The following CEP85 variants were observed in gnomAD, a reference collection of about 807,000 sequenced individuals.
CEP85 encodes the protein centrosomal protein 85, also known as centrosomal protein of 85 kDa.
In CEP85, 58 loss-of-function variants were observed where a neutral mutation model predicts 93.7. That is an observed-to-expected ratio of 0.62 (90% CI 0.50 to 0.77). The LOEUF is 0.77. CEP85 is among the 30% of genes least tolerant of loss of function. CEP85 has a pLI of 0.00. For synonymous variants in CEP85, 314 were observed against 338.6 expected (o/e 0.93, Z 0.80); for missense variants, 868 against 922.0 (o/e 0.94, Z 0.76).
rs1282249941 is a variant in CEP85 at position 26,269,609 on chromosome 1, A to G, written c.1644A>G (p.Gly548=). The part of the protein sequence containing the change: ...RQREAEFSSA[G]HSLQDKQSVE... ...GAGAAGCAGAATTCTCCTCCGCTGG[A>G]CATAGGTAAATAACCCTGTGGGACT... Residue 548 remains glycine (G), a synonymous_variant, in exon 9 of 14, where the codon GGA becomes GGG. Transcript: ENST00000451429. 1.2e-6 allele frequency: 2 copies of G among 1,612,944 alleles called. No homozygotes were observed. Among genetic ancestry groups the G allele is most frequent in the Admixed American group, 3.3e-5 (2 of 59,832 alleles).
intron 10 of CEP85, 115 bp from the exon 11 acceptor site, chr1:26,271,906 G>A (rs770141901): frequency 1.2e-6 from 1 of 825,514 alleles, no homozygotes; most frequent in Non-Finnish European, 2.1e-6. Context: ...CTTTATCCTG[G>A]TCTTACTCTT....
intron 7 of CEP85, among the ~76,000 whole-genome samples, chr1:26,265,725 A>T (rs2089883833): frequency 6.6e-6 from 1 of 152,208 alleles, no homozygotes; most frequent in Non-Finnish European, 1.5e-5. Flanking sequence ...ACTGCAGATT[A>T]TAACTTTTCT....
At chr1:26,244,433 C>T in intron 3 of CEP85, 115 bp downstream of exon 3, 1 of 910,084 alleles carries the variant, frequency 1.1e-6, no homozygotes, top group Non-Finnish European at 1.7e-6. Context: ...AACGTCATTC[C>T]ATTTCATTCA....
In CEP85 at chr1:26,276,678, A is replaced by C. The variant is rs1248772013; in HGVS notation, c.2046A>C (p.Gln682His). Residue 682 changes from glutamine (Q) to histidine (H), a missense_variant, in exon 13 of 14, where the codon CAA becomes CAC. Gln to His is a conservative substitution (Grantham distance 24). Transcript: ENST00000451429. ...ACCAGGAGTTGGCCAGTTGCCTTCA[A>C]GATCTGCAGGCTGTCTGTAGCATTG... ...ELHQELASCLQDLQAVCSIVT... is the reference protein window; with the variant it reads ...ELHQELASCLHDLQAVCSIVT... 1.2e-6 allele frequency: 2 copies of C among 1,614,094 alleles called. No individual in the cohort carries two copies. The highest frequency in any genetic ancestry group is 2.7e-5 in the African/African-American group (2 of 74,918).
At position 26,269,501 on chromosome 1, in the gene CEP85, A is replaced by G; in HGVS notation, c.1536A>G (p.Lys512=). The G allele has an allele frequency of 6.2e-7, 1 of 1,614,152 alleles. No individual in the cohort carries two copies. Among genetic ancestry groups the G allele is most frequent in the South Asian group, 1.1e-5 (1 of 91,086 alleles). Residue 512 remains lysine (K), a synonymous_variant, in exon 9 of 14, where the codon AAA becomes AAG. Coordinates refer to ENST00000451429, the MANE Select transcript of CEP85 (RefSeq NM_001319944.2). Reference sequence around the variant, plus strand: ...TGAAGAGCACAGAGCTGCAGGAGAAAGTGACTGAGCTGGAGAGTTTGCTGG... The same window carrying G: ...TGAAGAGCACAGAGCTGCAGGAGAAGGTGACTGAGCTGGAGAGTTTGCTGG... The part of the protein sequence containing the change: ...SELKSTELQE[K]VTELESLLEE...
At position 26,255,799 on chromosome 1, in the gene CEP85, A is replaced by G. The variant is rs2089690396; in HGVS notation, c.837A>G (p.Gln279=). 2.5e-6 allele frequency: 4 copies of G among 1,614,142 alleles called. No homozygotes were observed. The highest frequency in any genetic ancestry group is 3.4e-6 in the Non-Finnish European group (4 of 1,180,012). Residue 279 remains glutamine, a synonymous_variant, in exon 4 of 14, where the codon CAA becomes CAG. Transcript: ENST00000451429. ...PSPDTWHPRE[Q]SCELSTCRQQ... ...CTGACACTTGGCATCCCCGAGAGCAATCTTGTGAACTCAGCACTTGTCGGC... is the reference window on the plus strand; with the variant it reads ...CTGACACTTGGCATCCCCGAGAGCAGTCTTGTGAACTCAGCACTTGTCGGC...
rs551431132 is a variant in CEP85, at chr1:26,237,566, C to A, written c.-22-2196C>A. Among the ~76,000 whole-genome samples, 45 of 152,320 alleles carry A rather than the reference C, an allele frequency of 3.0e-4. No homozygotes were observed. In the South Asian group the frequency reaches 3.5e-3, roughly 12 times the overall value. On this transcript the variant is annotated intron_variant, in intron 1 of 13. Transcript: ENST00000451429. ...AATAATACTCTGTTTTTTGGATATA[C>A]CACATTTTATGTATCCATTCATTAG...
Position 26,268,285 on chromosome 1 carries a change from C to G in CEP85, c.1342-198C>G, listed in dbSNP as rs187229935. Among the ~76,000 whole-genome samples, 36 of 152,278 alleles carry G rather than the reference C, an allele frequency of 2.4e-4. No homozygotes were observed. The East Asian group carries it at 5.0e-3, about 21-fold the overall frequency. Reference sequence around the variant, plus strand: ...CCAGCCTGAAAAACATGGCGAAACTCTGTCTCTACAAAACATAGAAAAATT... The same window carrying G: ...CCAGCCTGAAAAACATGGCGAAACTGTGTCTCTACAAAACATAGAAAAATT... On this transcript the variant is annotated intron_variant, in intron 7 of 13. Transcript: ENST00000451429.
chr1:26,261,741 AT>A (rs34240339), intron 7 of CEP85, among the ~76,000 whole-genome samples: 99,362 of 147,062 alleles, frequency 0.68, 33,915 homozygotes, highest in Non-Finnish European at 0.75. Flanking sequence ...AAAAAAAAAA[AT>A]TTTTTTTTTC....
Position 26,248,478 on chromosome 1 carries a change from T to C in CEP85, c.208+4160T>C, listed in dbSNP as rs552435167. 3.8e-4 allele frequency among the ~76,000 whole-genome samples: 58 copies of C among 152,190 alleles called. 1 individual carries two copies. The South Asian group carries it at 9.9e-3, about 26-fold the overall frequency. On this transcript the variant is annotated intron_variant, in intron 3 of 13. Transcript: ENST00000451429. ...CTTCTCGAGATAGGGGTCAAAGATA[T>C]TGGTCTAGAAGTTTTTTTTACTTCT...
chr1:26,249,922 A>G (rs1475704143), intron 3 of CEP85, among the ~76,000 whole-genome samples: 2 of 152,104 alleles, frequency 1.3e-5, no homozygotes, highest in Non-Finnish European at 2.9e-5. Context: ...CTGGAGTGCA[A>G]TGACTGTTCA....
chr1:26,248,220 T>G (rs1363711796), intron 3 of CEP85, among the ~76,000 whole-genome samples: 1 of 152,218 alleles, frequency 6.6e-6, no homozygotes, highest in Non-Finnish European at 1.5e-5. Context: ...ACTGTTAATT[T>G]AATTTTCACT....
intron 3 of CEP85, among the ~76,000 whole-genome samples, chr1:26,248,481 G>A (rs1461494053): frequency 6.6e-6 from 1 of 151,920 alleles, no homozygotes; most frequent in East Asian, 1.9e-4. Context: ...AAAGATATTG[G>A]TCTAGAAGTT....
In CEP85 at chr1:26,277,145, C is replaced by T. The variant is rs766538793; in HGVS notation, c.2138C>T (p.Pro713Leu). ...CTCTTCTCCCCAGCAGCACAGCACC[C>T]AGAGACTCAGCTAGATTTGCAGAAG... ...SLLLGIHSQH[P>L]ETQLDLQKPD... is the part of the protein sequence containing the mutation. Residue 713 changes from proline to leucine, a missense_variant, in exon 14 of 14, where the codon CCA becomes CTA. Coordinates refer to ENST00000451429, the MANE Select transcript of CEP85 (RefSeq NM_001319944.2). The T allele has an allele frequency of 6.2e-7, 1 of 1,613,542 alleles. No individual in the cohort carries two copies. Among genetic ancestry groups the T allele is most frequent in the Admixed American group, 1.7e-5 (1 of 60,024 alleles).
At chr1:26,260,388 G>C (rs1350532442) in intron 7 of CEP85, among the ~76,000 whole-genome samples, 1 of 152,100 alleles carries the variant, frequency 6.6e-6, no homozygotes. Flanking sequence ...CTACTTGGGA[G>C]GCTGAAGCAG....
intron 1 of CEP85, 141 bp from the exon 2 acceptor site, chr1:26,239,621 G>C (rs1412058140): frequency 3.7e-6 from 2 of 547,162 alleles, no homozygotes; most frequent in Non-Finnish European, 6.6e-6. Flanking sequence ...CAAAGTGCTG[G>C]GATTACAGGT....
intron 3 of CEP85, chr1:26,254,961 G>A (rs1386001654): frequency 6.6e-6 from 4 of 605,020 alleles, no homozygotes; most frequent in Non-Finnish European, 1.2e-5. Flanking sequence ...AGTCATTATT[G>A]CCTTTTGTTA....
intron 9 of CEP85, 135 bp downstream of exon 9, chr1:26,269,749 G>A: frequency 8.9e-6 from 4 of 448,384 alleles, no homozygotes; most frequent in South Asian, 5.9e-5. Context: ...TCTTTGGACT[G>A]TGAATAATAG....
chr1:26,241,585 C>T (rs1446445564), intron 2 of CEP85, among the ~76,000 whole-genome samples: 2 of 151,844 alleles, frequency 1.3e-5, no homozygotes, highest in Non-Finnish European at 2.9e-5. Flanking sequence ...GCTGCACATT[C>T]TCTTAGGTTT....
Sources: gnomAD v4.1 joint callset for allele counts (sites outside exome capture counted in the v4.1 genomes callset) on GRCh38, gnomAD v4.1.1 for gene constraint, MANE v1.5 for transcripts, NCBI Gene and HGNC (gene_info 2026-07-23, HGNC 2026-07-21) for gene names.